Variants in PRIM1 observed in about 807,000 individuals in gnomAD.
The protein encoded by PRIM1 is DNA primase subunit 1.
In PRIM1, 38 loss-of-function variants were observed where a neutral mutation model predicts 60.2. That is an observed-to-expected ratio of 0.63 (90% CI 0.49 to 0.83). The LOEUF is 0.83. PRIM1 is among the 40% of genes least tolerant of loss of function. The pLI, the probability that PRIM1 is intolerant of heterozygous loss-of-function variation, is 0.00. For missense variants in PRIM1, 388 were observed against 506.2 expected (o/e 0.77, Z 2.24); for synonymous variants, 158 against 160.2 (o/e 0.99, Z 0.10).
At chr12:56,747,615 A>G (rs910016335) in intron 2 of PRIM1, among the ~76,000 whole-genome samples, 2 of 152,152 alleles carry the variant, frequency 1.3e-5, no homozygotes, top group African/African-American at 4.8e-5. Flanking sequence ...GTGTGATGGC[A>G]TATGCCTGTA....
At chr12:56,748,461 A>G (rs1953923507) in intron 2 of PRIM1, among the ~76,000 whole-genome samples, 1 of 152,048 alleles carries the variant, frequency 6.6e-6, no homozygotes, top group South Asian at 2.1e-4. Context: ...CCCCGTCTCT[A>G]CTAAAAATAC....
At chr12:56,744,155 G>A (rs757269182) in intron 5 of PRIM1, 32 bp from the exon 6 acceptor site, 3 of 1,446,982 alleles carry the variant, frequency 2.1e-6, no homozygotes, top group Middle Eastern at 1.7e-4. Flanking sequence ...AAGAACTTCA[G>A]GTATACAATA....
chr12:56,736,596 C>T (rs11171958), intron 11 of PRIM1, among the ~76,000 whole-genome samples: 7 of 151,620 alleles, frequency 4.6e-5, no homozygotes, highest in East Asian at 1.9e-4. Context: ...CTCTGCCTCC[C>T]GGGCTCAAGT....
chr12:56,743,067 A>G lies in PRIM1; in HGVS notation c.668T>C (p.Phe223Ser). Residue 223 changes from phenylalanine to serine, a missense_variant, in exon 7 of 13, where the codon TTT becomes TCT. This residue lies in a region of PRIM1 where 211 missense variants were observed against 277.9 expected (regional missense o/e 0.76). Coordinates refer to ENST00000338193, the MANE Select transcript of PRIM1 (RefSeq NM_000946.3). Reference sequence around the variant, plus strand: ...TTGATTAACCAAGGCATATTCTTCAAAGTATTTTTTTATTATGTTTATAGA... The same window carrying G: ...TTGATTAACCAAGGCATATTCTTCAGAGTATTTTTTTATTATGTTTATAGA... ...RKSINIIKKY[F>S]EEYALVNQDI... 2 of 1,528,800 alleles carry G rather than the reference A, an allele frequency of 1.3e-6. No individual in the cohort carries two copies. The highest frequency in any genetic ancestry group is 1.3e-5 in the South Asian group (1 of 78,108). The allele number at this position is 1,528,800 out of a possible 1,614,324, so 94.7% of individuals were successfully genotyped here. A position where few individuals can be genotyped will look rare whatever the true frequency, so the allele number is the denominator to read the frequency against.
intron 9 of PRIM1, 28 bp downstream of exon 9, chr12:56,741,407 A>C: frequency 6.3e-7 from 1 of 1,590,374 alleles, no homozygotes; most frequent in Non-Finnish European, 8.5e-7. Flanking sequence ...TTTTTCTTTT[A>C]GTTTTCCTTA....
intron 5 of PRIM1, 90 bp downstream of exon 5, chr12:56,745,952 AAAG>A (rs1953903422): frequency 7.4e-7 from 1 of 1,345,752 alleles, no homozygotes; most frequent in Non-Finnish European, 1.0e-6. Flanking sequence ...AAAAAAAAAA[AAAG>A]ATAGTTTCAT....
intron 2 of PRIM1, among the ~76,000 whole-genome samples, chr12:56,747,946 C>T (rs1438252286): frequency 6.6e-6 from 1 of 151,580 alleles, no homozygotes; most frequent in Non-Finnish European, 1.5e-5. Context: ...TGAGTAAGTG[C>T]GTGTTTAGTG....
chr12:56,741,599 C>T (rs763259191), intron 8 of PRIM1, 23 bp from the exon 9 acceptor site: 1 of 1,604,692 alleles, frequency 6.2e-7, no homozygotes, highest in Non-Finnish European at 8.5e-7. Flanking sequence ...ACAAGGCCAA[C>T]ATGAGGATCA....
chr12:56,739,367 T>C lies in PRIM1; in HGVS notation c.983-4A>G. ...TCAATAGGCACAGATATGCGACCTG[T>C]AAGACACAAAAGTTATAAACTGATG... is the stretch of plus-strand genomic sequence containing the variant. On this transcript the variant is annotated splice_region_variant and splice_polypyrimidine_tract_variant and intron_variant, in intron 9 of 12. Coordinates refer to ENST00000338193, the MANE Select transcript of PRIM1 (RefSeq NM_000946.3). 6.5e-7 allele frequency: 1 copy of C among 1,547,702 alleles called. No homozygotes were observed. Among genetic ancestry groups the C allele is most frequent in the South Asian group, 1.2e-5 (1 of 83,022 alleles).
At chr12:56,741,372 G>A in intron 9 of PRIM1, 63 bp downstream of exon 9, 1 of 1,488,922 alleles carries the variant, frequency 6.7e-7, no homozygotes, top group Non-Finnish European at 9.1e-7. Context: ...CTAATGCCAT[G>A]CTTACTAAAG....
intron 12 of PRIM1, among the ~76,000 whole-genome samples, chr12:56,732,866 T>G (rs1230107186): frequency 1.3e-5 from 2 of 152,066 alleles, no homozygotes; most frequent in Non-Finnish European, 2.9e-5. Flanking sequence ...AAATTTTTTT[T>G]TTTTTTGAGA....
chr12:56,742,387 T>C (rs910577582), intron 7 of PRIM1, among the ~76,000 whole-genome samples: 5 of 151,574 alleles, frequency 3.3e-5, no homozygotes, highest in African/African-American at 1.2e-4. Flanking sequence ...TTGGCTGACA[T>C]GGTGAGACCC....
intron 9 of PRIM1, 147 bp downstream of exon 9, chr12:56,741,288 C>T: frequency 1.2e-6 from 1 of 841,412 alleles, no homozygotes. Context: ...CTGGTAGCTA[C>T]TTAACTGACT....
At position 56,738,637 on chromosome 12, in the gene PRIM1, C is replaced by T. The variant is rs182981960; in HGVS notation, c.1053-112G>A. ...TGCGATCTTGGCTCACTGCAACCTC[C>T]GCCTCCCAGGTTCAAGTGATTCTTC... On this transcript the variant is annotated intron_variant, in intron 10 of 12. Coordinates refer to ENST00000338193, the MANE Select transcript of PRIM1 (RefSeq NM_000946.3). 262 of 1,066,424 alleles carry T rather than the reference C, an allele frequency of 2.5e-4. 3 individuals are homozygous for T. The East Asian group carries it at 3.9e-3, about 16-fold the overall frequency. The allele number at this position is 1,066,424 out of a possible 1,614,324, so 66.1% of individuals were successfully genotyped here.
intron 6 of PRIM1, chr12:56,743,512 C>T (rs1953886455): frequency 1.3e-5 from 2 of 157,300 alleles, no homozygotes; most frequent in African/African-American, 4.8e-5. Flanking sequence ...ATATGCATCA[C>T]ATTTACTCTT....
chr12:56,735,333 C>A (rs1173207776), intron 11 of PRIM1, among the ~76,000 whole-genome samples: 1 of 151,770 alleles, frequency 6.6e-6, no homozygotes, highest in Non-Finnish European at 1.5e-5. Flanking sequence ...CTCTTGACCT[C>A]GTGATCCACC....
chr12:56,732,104 TCA>T (rs1381006486), intron 12 of PRIM1, among the ~76,000 whole-genome samples: 4 of 152,230 alleles, frequency 2.6e-5, no homozygotes, highest in Non-Finnish European at 4.4e-5. Context: ...TATAACATTG[TCA>T]CAGTTTTCTA....
chr12:56,733,623 T>C (rs1030223117), intron 12 of PRIM1, among the ~76,000 whole-genome samples: 2 of 149,598 alleles, frequency 1.3e-5, no homozygotes, highest in Non-Finnish European at 3.0e-5. Flanking sequence ...GGAGTCTTGC[T>C]CTGTTGCCCA....
rs7138092 is a variant in PRIM1 at position 56,741,880 on chromosome 12, T to C, written c.749-43A>G. The C allele has an allele frequency of 1.5e-5, 23 of 1,543,590 alleles. No individual in the cohort carries two copies. The African/African-American group carries it at 2.9e-4, about 19-fold the overall frequency. On this transcript the variant is annotated intron_variant, in intron 7 of 12. Transcript: ENST00000338193. ...AACAGACTCATTTAGGGAACATCAA[T>C]GAACAATTTAGTTTTAAGTATGTAT...
Sources: allele counts gnomAD v4.1 joint callset (sites outside exome capture counted in the v4.1 genomes callset), GRCh38; gene constraint gnomAD v4.1.1; regional missense constraint gnomAD v4.1.1; transcripts MANE v1.5; gene names NCBI Gene and HGNC (gene_info 2026-07-23, HGNC 2026-07-21).